The following CNIH3 variants were observed in gnomAD, a reference collection of about 807,000 sequenced individuals.
The protein encoded by CNIH3 is protein cornichon homolog 3.
A neutral mutation model predicts 24.1 loss-of-function variants in CNIH3; 14 were observed. The ratio of observed to expected loss-of-function variants is 0.58; its 90% CI spans 0.38 to 0.91. The LOEUF is 0.91. Ranked by LOEUF, CNIH3 falls within the 40% of genes least tolerant of loss-of-function variation. The pLI, the probability that CNIH3 is intolerant of heterozygous loss-of-function variation, is 0.00. For missense variants in CNIH3, 178 were observed against 196.8 expected (o/e 0.90, Z 0.57); for synonymous variants, 68 against 73.8 (o/e 0.92, Z 0.40).
chr1:224,614,904 C>G (rs1264302792), upstream of CNIH3, among the ~76,000 whole-genome samples: 1 of 151,814 alleles, frequency 6.6e-6, no homozygotes, highest in Non-Finnish European at 1.5e-5. Context: ...CACGCCACTG[C>G]ACTCCAGCCT....
At chr1:224,653,466 C>T (rs963780319) in intron 1 of CNIH3, among the ~76,000 whole-genome samples, 6 of 150,386 alleles carry the variant, frequency 4.0e-5, no homozygotes, top group African/African-American at 1.5e-4. Context: ...GACATTTCAT[C>T]TAAATTTTAT....
chr1:224,504,525 C>T (rs1212505784), intron 1 of CNIH3, among the ~76,000 whole-genome samples: 1 of 152,050 alleles, frequency 6.6e-6, no homozygotes, highest in South Asian at 2.1e-4. Flanking sequence ...AGACTGCTCC[C>T]ATGACCCCCT....
chr1:224,468,840 A>AAAAG (rs1558086729), intron 1 of CNIH3, among the ~76,000 whole-genome samples: 59 of 149,028 alleles, frequency 4.0e-4, no homozygotes, highest in South Asian at 4.2e-4. Context: ...AAAAAAAAAA[A>AAAAG]AAAGAAAGAA....
intron 2 of CNIH3, among the ~76,000 whole-genome samples, chr1:224,527,673 A>G (rs941247714): frequency 6.6e-6 from 1 of 152,228 alleles, no homozygotes; most frequent in Non-Finnish European, 1.5e-5. Context: ...TGGCTTGGAT[A>G]CAATGTTAGG....
At chr1:224,705,577 G>A (rs1687737895) in intron 3 of CNIH3, among the ~76,000 whole-genome samples, 1 of 152,144 alleles carries the variant, frequency 6.6e-6, no homozygotes, top group Non-Finnish European at 1.5e-5. Context: ...TTTTGTGCTG[G>A]ATGTTCAAGG....
chr1:224,555,564 T>C (rs1680100747), intron 3 of CNIH3, among the ~76,000 whole-genome samples: 4 of 152,274 alleles, frequency 2.6e-5, no homozygotes, highest in Admixed American at 2.6e-4. Context: ...ACAACTTCTT[T>C]AATTTTCAAT....
At chr1:224,463,156 A>G (rs900069354) in intron 1 of CNIH3, among the ~76,000 whole-genome samples, 4 of 152,030 alleles carry the variant, frequency 2.6e-5, no homozygotes, top group African/African-American at 9.7e-5. Context: ...TCGGCCTCCC[A>G]AAGTGTTGGG....
intron 4 of CNIH3, among the ~76,000 whole-genome samples, chr1:224,580,683 C>T (rs1681234992): frequency 6.6e-6 from 1 of 151,812 alleles, no homozygotes; most frequent in Non-Finnish European, 1.5e-5. Context: ...AAAAATTAGC[C>T]AGGCATGGTG....
chr1:224,535,716 G>C (rs935844706), intron 2 of CNIH3, among the ~76,000 whole-genome samples: 25 of 152,286 alleles, frequency 1.6e-4, no homozygotes, highest in African/African-American at 6.0e-4. Flanking sequence ...AGGGGTGAGG[G>C]AAGCACCAAG....
rs113650479 is a variant in CNIH3 at position 224,528,219 on chromosome 1, A to G, written n.343+6892A>G. Among the ~76,000 whole-genome samples, 309 of 152,312 alleles carry G rather than the reference A, an allele frequency of 2.0e-3. 1 individual carries two copies. Among genetic ancestry groups the G allele is most frequent in the African/African-American group, 7.2e-3 (298 of 41,566 alleles). The stretch of plus-strand genomic sequence containing the variant: ...GTCAAGGCTGCAGTATGCTATGATC[A>G]TGTCACTGCACTCCAGCCTGGGTGA... On this transcript the variant is annotated intron_variant and non_coding_transcript_variant, in intron 2 of 2. Transcript: ENST00000470602.
chr1:224,630,040 CA>C (rs530606624), intron 1 of CNIH3, among the ~76,000 whole-genome samples: 72 of 152,258 alleles, frequency 4.7e-4, no homozygotes, highest in African/African-American at 1.7e-3. Context: ...GAGTTTGCCT[CA>C]TGATTACAGT....
intron 1 of CNIH3, among the ~76,000 whole-genome samples, chr1:224,659,646 GT>G (rs1685252202): frequency 6.6e-6 from 1 of 152,180 alleles, no homozygotes; most frequent in Non-Finnish European, 1.5e-5. Context: ...AGCATGAGAA[GT>G]TTGCCAGTTA....
At chr1:224,683,604 G>C (rs1380702670) in intron 2 of CNIH3, among the ~76,000 whole-genome samples, 5 of 152,246 alleles carry the variant, frequency 3.3e-5, no homozygotes, top group African/African-American at 1.2e-4. Context: ...GGCCCATTTG[G>C]ATTTAAGATG....
intron 3 of CNIH3, among the ~76,000 whole-genome samples, chr1:224,605,489 A>G (rs1682380010): frequency 1.3e-5 from 2 of 152,210 alleles, no homozygotes; most frequent in South Asian, 2.1e-4. Context: ...TCCTTGTAAA[A>G]CTAATGAAAG....
chr1:224,735,851 A>G (rs1347795416), intron 5 of CNIH3, among the ~76,000 whole-genome samples: 2 of 151,360 alleles, frequency 1.3e-5, no homozygotes, highest in African/African-American at 2.4e-5. Context: ...TTTTTTGTAG[A>G]GATGGGGTTT....
intron 5 of CNIH3, among the ~76,000 whole-genome samples, chr1:224,735,580 G>C (rs1006207344): frequency 6.6e-6 from 1 of 152,238 alleles, no homozygotes; most frequent in African/African-American, 2.4e-5. Flanking sequence ...TGGACTGCAC[G>C]CCACCCCTAG....
intron 1 of CNIH3, among the ~76,000 whole-genome samples, chr1:224,436,376 A>G (rs770578860): frequency 6.6e-6 from 1 of 152,214 alleles, no homozygotes; most frequent in Non-Finnish European, 1.5e-5. Context: ...AATTTTTGCA[A>G]AATGGTTTAT....
At chr1:224,510,338 G>A (rs1370244376) in intron 1 of CNIH3, among the ~76,000 whole-genome samples, 3 of 152,112 alleles carry the variant, frequency 2.0e-5, no homozygotes, top group East Asian at 1.9e-4. Flanking sequence ...GGGGCGCCCC[G>A]TGGTCAGCGT....
intron 1 of CNIH3, among the ~76,000 whole-genome samples, chr1:224,670,603 A>T (rs930090214): frequency 6.6e-6 from 1 of 152,144 alleles, no homozygotes; most frequent in South Asian, 2.1e-4. Flanking sequence ...GAGGCTCCTC[A>T]TCCCTAAATG....
Sources: gnomAD v4.1 joint callset for allele counts (sites outside exome capture counted in the v4.1 genomes callset) on GRCh38, gnomAD v4.1.1 for gene constraint, MANE v1.5 for transcripts, NCBI Gene and HGNC (gene_info 2026-07-23, HGNC 2026-07-21) for gene names.